Variants in ADGRB3 observed in about 807,000 individuals in gnomAD.
ADGRB3 encodes adhesion G protein-coupled receptor B3.
ADGRB3 carries 37 observed loss-of-function variants against 193.4 expected under a neutral mutation model. That is an observed-to-expected ratio of 0.19 (90% CI 0.15 to 0.25). The LOEUF (loss-of-function observed/expected upper bound fraction) is 0.25. Ranked by LOEUF, ADGRB3 falls within the 10% of genes least tolerant of loss-of-function variation. The probability of loss-of-function intolerance (pLI) is 1.00; values close to 1 mark genes in which losing one functional copy is unlikely to be tolerated. For missense variants in ADGRB3, 1,637 were observed against 1,852.9 expected, an observed-to-expected ratio of 0.88 and a Z score of 2.14; for synonymous variants, 690 against 644.2, an observed-to-expected ratio of 1.07 and a Z score of -1.08.
At chr6:69,309,718 G>C (rs1409410919) in intron 20 of ADGRB3, among the ~76,000 whole-genome samples, 2 of 151,658 alleles carry the variant, frequency 1.3e-5, no homozygotes, top group Admixed American at 6.6e-5. Flanking sequence ...ATTAATGCAT[G>C]TGGTCATAGA....
At chr6:68,917,687 T>A (rs538973739) in intron 3 of ADGRB3, among the ~76,000 whole-genome samples, 1 of 152,288 alleles carries the variant, frequency 6.6e-6, no homozygotes, top group African/African-American at 2.4e-5. Context: ...AAAATAAAAA[T>A]TAAACTAATC....
chr6:69,082,192 T>A (rs1380615031), intron 17 of ADGRB3, among the ~76,000 whole-genome samples: 1 of 151,912 alleles, frequency 6.6e-6, no homozygotes, highest in African/African-American at 2.4e-5. Flanking sequence ...GAAAAAAAAA[T>A]TGCCAGCCTC....
chr6:69,037,487 A>C (rs1770907178), intron 13 of ADGRB3, among the ~76,000 whole-genome samples: 1 of 122,272 alleles, frequency 8.2e-6, no homozygotes. Context: ...GCTATAGAGC[A>C]TGATTTAAAC....
At chr6:68,845,854 A>T (rs1768263127) in intron 3 of ADGRB3, among the ~76,000 whole-genome samples, 1 of 152,182 alleles carries the variant, frequency 6.6e-6, no homozygotes, top group Non-Finnish European at 1.5e-5. Flanking sequence ...GGTGCTGCTG[A>T]AAAGATACCC....
chr6:69,244,751 C>G (rs966494420), intron 20 of ADGRB3, among the ~76,000 whole-genome samples: 1 of 152,032 alleles, frequency 6.6e-6, no homozygotes, highest in Admixed American at 6.6e-5. Flanking sequence ...TTAAGCATGA[C>G]ACCCTGCATC....
chr6:69,132,256 G>T (rs575860201), intron 17 of ADGRB3, among the ~76,000 whole-genome samples: 1 of 152,052 alleles, frequency 6.6e-6, no homozygotes, highest in Non-Finnish European at 1.5e-5. Context: ...GTGTAAAAGC[G>T]TTCCTATTTC....
At chr6:68,665,071 T>C (rs76837427) in intron 3 of ADGRB3, among the ~76,000 whole-genome samples, 3,386 of 151,820 alleles carry the variant, frequency 0.022, 66 homozygotes, top group South Asian at 0.075. Flanking sequence ...TCAGCCTTCT[T>C]TACTGGCCAA....
chr6:68,794,322 A>G (rs529804743), intron 3 of ADGRB3, among the ~76,000 whole-genome samples: 3 of 152,046 alleles, frequency 2.0e-5, no homozygotes, highest in East Asian at 3.9e-4. Flanking sequence ...TATATATAAA[A>G]TACACACTTT....
At chr6:68,885,796 A>G (rs1280822320) in intron 3 of ADGRB3, among the ~76,000 whole-genome samples, 1 of 152,168 alleles carries the variant, frequency 6.6e-6, no homozygotes, top group Non-Finnish European at 1.5e-5. Context: ...ATACTAGGAT[A>G]AAATTGACAT....
At chr6:69,265,771 T>C (rs1489096192) in intron 20 of ADGRB3, among the ~76,000 whole-genome samples, 3 of 151,990 alleles carry the variant, frequency 2.0e-5, no homozygotes, top group African/African-American at 7.2e-5. Flanking sequence ...TCTACATGTG[T>C]CCTGAAGCAT....
intron 20 of ADGRB3, among the ~76,000 whole-genome samples, chr6:69,307,569 C>T (rs1437201221): frequency 1.3e-5 from 2 of 151,592 alleles, no homozygotes; most frequent in East Asian, 1.9e-4. Context: ...AAATTCTGGG[C>T]TTGACCAGGT....
At chr6:69,364,529 C>A (rs1049205108) in intron 29 of ADGRB3, among the ~76,000 whole-genome samples, 1 of 152,032 alleles carries the variant, frequency 6.6e-6, no homozygotes, top group Non-Finnish European at 1.5e-5. Flanking sequence ...AAAAACATAT[C>A]TAGATTTTCT....
intron 20 of ADGRB3, among the ~76,000 whole-genome samples, chr6:69,256,693 A>T (rs890638559): frequency 6.6e-6 from 1 of 152,084 alleles, no homozygotes; most frequent in East Asian, 1.9e-4. Flanking sequence ...AATACCCTTT[A>T]TTTCCTTCTC....
At chr6:68,832,879 C>T (rs1315521536) in intron 3 of ADGRB3, among the ~76,000 whole-genome samples, 1 of 152,126 alleles carries the variant, frequency 6.6e-6, no homozygotes, top group African/African-American at 2.4e-5. Flanking sequence ...CATGCTTGTT[C>T]TAAAGGAACA....
At chr6:69,197,536 C>G (rs1297345798) in intron 17 of ADGRB3, among the ~76,000 whole-genome samples, 2 of 151,840 alleles carry the variant, frequency 1.3e-5, no homozygotes, top group African/African-American at 4.8e-5. Flanking sequence ...TATCGATGAG[C>G]ATAATAATTC....
intron 3 of ADGRB3, among the ~76,000 whole-genome samples, chr6:68,807,235 CTT>C (rs771342538): frequency 2.0e-5 from 2 of 100,198 alleles, no homozygotes; most frequent in Admixed American, 1.3e-4. Flanking sequence ...TTTCTTTTTT[CTT>C]TTTTTTTTTT....
At chr6:68,755,396 G>A (rs1229044499) in intron 3 of ADGRB3, among the ~76,000 whole-genome samples, 1 of 152,022 alleles carries the variant, frequency 6.6e-6, no homozygotes, top group African/African-American at 2.4e-5. Context: ...CTCTATTTTT[G>A]GACATTAGAG....
chr6:69,269,334 GA>G (rs1388426238), intron 20 of ADGRB3, among the ~76,000 whole-genome samples: 1 of 151,650 alleles, frequency 6.6e-6, no homozygotes, highest in African/African-American at 2.4e-5. Flanking sequence ...CATTTTCAGA[GA>G]AAAAAACATT....
chr6:68,983,132 T>G (rs1487012553), intron 10 of ADGRB3, among the ~76,000 whole-genome samples: 2 of 152,084 alleles, frequency 1.3e-5, no homozygotes, highest in Non-Finnish European at 2.9e-5. Flanking sequence ...AAAAGAAAAA[T>G]AATCTTTAGT....
Sources: allele counts gnomAD v4.1 joint callset (sites outside exome capture counted in the v4.1 genomes callset), GRCh38; gene constraint gnomAD v4.1.1; transcripts MANE v1.5; gene names NCBI Gene and HGNC (gene_info 2026-07-23, HGNC 2026-07-21).